The following COLEC10 variants were observed in gnomAD, a reference collection of about 807,000 sequenced individuals.
The protein encoded by COLEC10 is collectin-10.
A neutral mutation model predicts 28.4 loss-of-function variants in COLEC10; 22 were observed. The ratio of observed to expected loss-of-function variants is 0.78; its 90% confidence interval spans 0.55 to 1.11. The LOEUF (loss-of-function observed/expected upper bound fraction) is 1.11. COLEC10 is among the 50% of genes least tolerant of loss of function. COLEC10 has a pLI of 0.00. For missense variants in COLEC10, 361 were observed against 344.1 expected, an observed-to-expected ratio of 1.05 and a Z score of -0.39; for synonymous variants, 125 against 116.1, an observed-to-expected ratio of 1.08 and a Z score of -0.49.
chr8:119,047,318 A>C (rs1054837674), intron 2 of COLEC10, among the ~76,000 whole-genome samples: 1 of 152,146 alleles, frequency 6.6e-6, no homozygotes, highest in Non-Finnish European at 1.5e-5. Flanking sequence ...AAAATCATGG[A>C]CTCATTTCAA....
the COLEC10 span, among the ~76,000 whole-genome samples, chr8:118,952,758 G>C: frequency 6.6e-6 from 1 of 152,156 alleles, no homozygotes; most frequent in Non-Finnish European, 1.5e-5. Context: ...TAGCCTCCTC[G>C]AGGTCTTTCC....
chr8:119,054,998 T>G (rs980992233), intron 2 of COLEC10, among the ~76,000 whole-genome samples: 2 of 152,068 alleles, frequency 1.3e-5, no homozygotes, highest in Non-Finnish European at 2.9e-5. Flanking sequence ...GCGACCCAAA[T>G]CTGTGATGTG....
intron 2 of COLEC10, among the ~76,000 whole-genome samples, chr8:119,038,790 G>A (rs914120414): frequency 2.0e-5 from 3 of 152,016 alleles, no homozygotes; most frequent in African/African-American, 4.8e-5. Flanking sequence ...CTCAACACCC[G>A]TGGATGGTAG....
chr8:119,080,142 C>T (rs973918324), intron 1 of COLEC10, among the ~76,000 whole-genome samples: 1 of 152,132 alleles, frequency 6.6e-6, no homozygotes, highest in African/African-American at 2.4e-5. Context: ...CAAAGCCTTG[C>T]TTTGTTGGAT....
At chr8:119,032,810 G>A (rs1262872515) in intron 2 of COLEC10, among the ~76,000 whole-genome samples, 2 of 152,208 alleles carry the variant, frequency 1.3e-5, no homozygotes, top group Non-Finnish European at 2.9e-5. Flanking sequence ...GCTGAGGCAG[G>A]AGAATGGCAT....
chr8:118,994,623 G>C (rs1813560392), upstream of COLEC10, among the ~76,000 whole-genome samples: 1 of 152,118 alleles, frequency 6.6e-6, no homozygotes, highest in Admixed American at 6.6e-5. Context: ...GAGCCATGAG[G>C]AGGCAGAACT....
chr8:119,105,684 T>A (rs1474997910), intron 5 of COLEC10, 116 bp from the exon 6 acceptor site: 2 of 1,020,420 alleles, frequency 2.0e-6, no homozygotes, highest in Non-Finnish European at 2.8e-6. Flanking sequence ...AATAGGGCTT[T>A]GAAAAATAAT....
intron 1 of COLEC10, among the ~76,000 whole-genome samples, chr8:119,082,546 TGA>T (rs1191708760): frequency 1.3e-5 from 2 of 152,158 alleles, no homozygotes; most frequent in Admixed American, 6.5e-5. Flanking sequence ...CACTATAAAG[TGA>T]GAGGGGATTT....
At chr8:119,015,939 G>C (rs1426246736) in intron 2 of COLEC10, among the ~76,000 whole-genome samples, 1 of 152,160 alleles carries the variant, frequency 6.6e-6, no homozygotes, top group Non-Finnish European at 1.5e-5. Context: ...AATATATATT[G>C]TGTACCAGGT....
the COLEC10 span, among the ~76,000 whole-genome samples, chr8:118,980,647 T>C: frequency 6.6e-6 from 1 of 152,278 alleles, no homozygotes; most frequent in South Asian, 2.1e-4. Flanking sequence ...ATTTTATGTA[T>C]TGTCTTAGCT....
the COLEC10 span, among the ~76,000 whole-genome samples, chr8:118,974,340 C>A: frequency 1.3e-5 from 2 of 151,824 alleles, no homozygotes; most frequent in African/African-American, 4.8e-5. Context: ...GAAATGTAAG[C>A]ACTTAAGAAG....
chr8:118,957,324 G>A, the COLEC10 span, among the ~76,000 whole-genome samples: 210 of 152,292 alleles, frequency 1.4e-3, no homozygotes, highest in African/African-American at 4.7e-3. Flanking sequence ...ATTTTAGAGC[G>A]GTGATGTCTA....
rs544897227 is a variant in COLEC10 at position 119,106,445 on chromosome 8, C to A, written c.*254C>A. On this transcript the variant is annotated 3_prime_UTR_variant, in exon 6 of 6. Transcript: ENST00000332843. ...GAGAATTTTAATTACTAATTGTGCA[C>A]GAGATAGTTGGTTGTCTATATGTCA... 3 of 378,452 alleles carry A rather than the reference C, an allele frequency of 7.9e-6. No individual in the cohort carries two copies. The highest frequency in any genetic ancestry group is 9.1e-5 in the East Asian group (2 of 21,904). The allele number at this position is 378,452 out of a possible 1,614,324, so 23.4% of individuals were successfully genotyped here.
chr8:118,967,988 G>A, the COLEC10 span, among the ~76,000 whole-genome samples: 142 of 152,096 alleles, frequency 9.3e-4, 1 homozygote, highest in African/African-American at 3.3e-3. Context: ...AATGCATTTC[G>A]TGCAAGAAGA....
chr8:119,069,630 A>AAAAC (rs756874627), intron 1 of COLEC10, among the ~76,000 whole-genome samples: 1 of 28,892 alleles, frequency 3.5e-5, no homozygotes, highest in Non-Finnish European at 5.9e-5. Flanking sequence ...AAAAAAAAAA[A>AAAAC]TATATATATA....
chr8:119,061,911 A>C (rs992990263), intron 2 of COLEC10, among the ~76,000 whole-genome samples: 1 of 152,180 alleles, frequency 6.6e-6, no homozygotes, highest in Admixed American at 6.5e-5. Flanking sequence ...TTTCTAAGAA[A>C]AGTAAAGGAA....
At chr8:118,963,789 T>G in the COLEC10 span, among the ~76,000 whole-genome samples, 1 of 152,194 alleles carries the variant, frequency 6.6e-6, no homozygotes, top group African/African-American at 2.4e-5. Flanking sequence ...TTTGTCTGCC[T>G]TTTTCACCTT....
chr8:119,073,343 A>G (rs1815161729), intron 1 of COLEC10, among the ~76,000 whole-genome samples: 2 of 152,232 alleles, frequency 1.3e-5, no homozygotes, highest in African/African-American at 4.8e-5. Context: ...AAAGGAGTTC[A>G]TGAGATCAAT....
chr8:119,103,731 G>A (rs1240141375), intron 4 of COLEC10, 69 bp from the exon 5 acceptor site: 4 of 894,018 alleles, frequency 4.5e-6, no homozygotes, highest in South Asian at 1.4e-5. Flanking sequence ...ATTGGAAAGA[G>A]AGCAAATGTT....
Sources: allele counts gnomAD v4.1 joint callset (sites outside exome capture counted in the v4.1 genomes callset), GRCh38; gene constraint gnomAD v4.1.1; transcripts MANE v1.5; gene names NCBI Gene and HGNC (gene_info 2026-07-23, HGNC 2026-07-21).